The following PHEX variants were observed in gnomAD, a reference collection of about 807,000 sequenced individuals.
PHEX encodes phosphate-regulating neutral endopeptidase PHEX.
A neutral mutation model predicts 68.0 loss-of-function variants in PHEX; 16 were observed. The ratio of observed to expected loss-of-function variants is 0.24; its 90% CI spans 0.16 to 0.36. The LOEUF is 0.36. PHEX is among the 10% of genes least tolerant of loss of function. The pLI, the probability that PHEX is intolerant of heterozygous loss-of-function variation, is 1.00. For missense variants in PHEX, 480 were observed against 575.5 expected (o/e 0.83, Z 1.70); for synonymous variants, 208 against 205.1 (o/e 1.01, Z -0.12).
chrX:22,240,534 TGGAG>T (rs955649109), intron 20 of PHEX, among the ~76,000 whole-genome samples: 40 of 109,125 alleles, frequency 3.7e-4, no homozygotes, highest in African/African-American at 1.3e-3. Flanking sequence ...AATAAAGGGA[TGGAG>T]GAAGATCTAC....
At chrX:22,244,398 C>T (rs1353018929) in intron 20 of PHEX, among the ~76,000 whole-genome samples, 2 of 106,858 alleles carry the variant, frequency 1.9e-5, no homozygotes, top group African/African-American at 3.5e-5. Context: ...GAAGCTTCCA[C>T]GTTCTGCACA....
rs775301584 is a variant in PHEX, at chrX:22,143,257, G to T, written c.1404+9633G>T. On this transcript the variant is annotated intron_variant, in intron 12 of 21. Coordinates refer to ENST00000379374, the MANE Select transcript of PHEX (RefSeq NM_000444.6). ...TGACTACAGTTAGCAACAGTATATT[G>T]TATATTCCAAAGCGGCTAGAAGAAA... 1.2e-4 allele frequency among the ~76,000 whole-genome samples: 13 copies of T among 111,947 alleles called. No homozygotes were observed. In the South Asian group the frequency reaches 4.8e-3, roughly 42 times the overall value.
intron 8 of PHEX, among the ~76,000 whole-genome samples, 192 bp from the exon 9 acceptor site, chrX:22,098,795 CAAAAAAAAAAAAAAAAAAA>C (rs746223770): frequency 2.6e-4 from 3 of 11,364 alleles, no homozygotes; most frequent in African/African-American, 4.4e-4. Flanking sequence ...GAGAATGTCT[CAAAAAAAAAAAAAAAAAAA>C]AAAAAAAAAA....
At chrX:22,176,973 A>G (rs1194750265) in intron 13 of PHEX, among the ~76,000 whole-genome samples, 1 of 111,263 alleles carries the variant, frequency 9.0e-6, no homozygotes, top group East Asian at 2.8e-4. Flanking sequence ...TTGGCCAAGC[A>G]GAACACAGAG....
intron 6 of PHEX, among the ~76,000 whole-genome samples, chrX:22,092,480 C>T (rs1179300648): frequency 9.0e-6 from 1 of 110,965 alleles, no homozygotes. Flanking sequence ...TCAAGTGATT[C>T]TCCCACCTCA....
chrX:22,222,331 G>A (rs1213293991), intron 18 of PHEX, among the ~76,000 whole-genome samples: 1 of 112,034 alleles, frequency 8.9e-6, no homozygotes, highest in East Asian at 2.8e-4. Context: ...TGGAGTATAT[G>A]TTGCTTCAAG....
chrX:22,083,558 T>G (rs966703491), intron 5 of PHEX, among the ~76,000 whole-genome samples: 4 of 112,338 alleles, frequency 3.6e-5, no homozygotes, highest in African/African-American at 1.3e-4. Context: ...TTTATAGTTT[T>G]CTTTACATGA....
At chrX:22,184,246 T>G (rs898679872) in intron 14 of PHEX, among the ~76,000 whole-genome samples, 10 of 110,760 alleles carry the variant, frequency 9.0e-5, no homozygotes, top group Non-Finnish European at 1.7e-4. Context: ...CCTTCTTGTT[T>G]TTTTTTTTTA....
intron 2 of PHEX, 75 bp from the exon 3 acceptor site, chrX:22,046,975 G>A: frequency 1.1e-6 from 1 of 893,523 alleles, no homozygotes; most frequent in Non-Finnish European, 1.6e-6. Context: ...ATATGGAATT[G>A]TTGTTTAATT....
chrX:22,240,649 G>A (rs752626561), intron 20 of PHEX, among the ~76,000 whole-genome samples: 1 of 90,674 alleles, frequency 1.1e-5, no homozygotes, highest in African/African-American at 4.7e-5. Flanking sequence ...AAGATCAAAA[G>A]AGACAAAGAA....
chrX:22,097,710 T>G, intron 8 of PHEX: 1 of 704,741 alleles, frequency 1.4e-6, no homozygotes, highest in Non-Finnish European at 1.7e-6. Context: ...AAACACCATA[T>G]GGTGTTTTAG....
chrX:22,099,619 G>T (rs1286544071), intron 9 of PHEX, among the ~76,000 whole-genome samples: 2 of 110,226 alleles, frequency 1.8e-5, no homozygotes, highest in Non-Finnish European at 3.8e-5. Context: ...TAGAAAAATT[G>T]CACGGATAAA....
intron 5 of PHEX, among the ~76,000 whole-genome samples, chrX:22,077,954 A>G (rs1274176492): frequency 8.9e-6 from 1 of 111,801 alleles, no homozygotes; most frequent in Non-Finnish European, 1.9e-5. Flanking sequence ...TCATATGCCT[A>G]CTCAGAGCAA....
chrX:22,106,090 A>T (rs777531585), intron 9 of PHEX, among the ~76,000 whole-genome samples: 1 of 111,249 alleles, frequency 9.0e-6, no homozygotes, highest in Non-Finnish European at 1.9e-5. Context: ...TTTTGGGAAA[A>T]AAGGATATTA....
rs909558058 is a variant in PHEX at position 22,142,188 on chromosome X, G to A, written c.1404+8564G>A. Among the ~76,000 whole-genome samples, 4 of 111,843 alleles carry A rather than the reference G, an allele frequency of 3.6e-5. No individual in the cohort carries two copies. In the East Asian group the frequency reaches 8.4e-4, roughly 23 times the overall value. On this transcript the variant is annotated intron_variant, in intron 12 of 21. Coordinates refer to ENST00000379374, the MANE Select transcript of PHEX (RefSeq NM_000444.6). ...AATCGCTTGAACCCGGAAGGCGGAG[G>A]TTGCAGTGAGCCAAGATTACGCCGC... is the stretch of plus-strand genomic sequence containing the variant.
At chrX:22,102,223 G>A (rs1416719084) in intron 9 of PHEX, among the ~76,000 whole-genome samples, 2 of 110,586 alleles carry the variant, frequency 1.8e-5, no homozygotes, top group Non-Finnish European at 3.8e-5. Context: ...CTTCCCCTCT[G>A]CTATCCTTCC....
intron 9 of PHEX, among the ~76,000 whole-genome samples, chrX:22,103,882 C>T (rs1325560126): frequency 8.9e-6 from 1 of 112,226 alleles, no homozygotes; most frequent in Non-Finnish European, 1.9e-5. Flanking sequence ...AATCTCCATA[C>T]TGTTTTCCAT....
At chrX:22,149,369 A>G (rs763640437) in intron 12 of PHEX, among the ~76,000 whole-genome samples, 7 of 112,341 alleles carry the variant, frequency 6.2e-5, no homozygotes, top group South Asian at 3.7e-4. Context: ...ACAGACCAGA[A>G]CCTTTACTCA....
At chrX:22,157,286 G>C (rs370410444) in intron 12 of PHEX, among the ~76,000 whole-genome samples, 6 of 112,325 alleles carry the variant, frequency 5.3e-5, no homozygotes, top group Non-Finnish European at 1.1e-4. Flanking sequence ...GAGTCCAGGA[G>C]TTTGAGACAA....
Sources: gnomAD v4.1 joint callset for allele counts (sites outside exome capture counted in the v4.1 genomes callset) on GRCh38, gnomAD v4.1.1 for gene constraint, MANE v1.5 for transcripts, NCBI Gene and HGNC (gene_info 2026-07-23, HGNC 2026-07-21) for gene names.